SDK1: variants seen among roughly 807,000 people sequenced by gnomAD.
SDK1 encodes protein sidekick-1.
A neutral mutation model predicts 245.5 loss-of-function variants in SDK1; 157 were observed. That is an observed-to-expected ratio of 0.64 (90% CI 0.56 to 0.73). The LOEUF is 0.73. Ranked by LOEUF, SDK1 falls within the 30% of genes least tolerant of loss-of-function variation. The pLI is 0.00. For synonymous variants in SDK1, 1,647 were observed against 1,278.5 expected, an observed-to-expected ratio of 1.29 and a Z score of -6.15; for missense variants, 3,583 against 3,002.3, an observed-to-expected ratio of 1.19 and a Z score of -4.52.
chr7:3,355,113 C>T (rs1021809308), intron 1 of SDK1, among the ~76,000 whole-genome samples: 1 of 152,180 alleles, frequency 6.6e-6, no homozygotes, highest in Non-Finnish European at 1.5e-5. Flanking sequence ...ATTGACACAT[C>T]TTATTAAAAT....
intron 43 of SDK1, among the ~76,000 whole-genome samples, chr7:4,244,707 C>G (rs1334574209): frequency 6.6e-6 from 1 of 152,222 alleles, no homozygotes; most frequent in East Asian, 1.9e-4. Flanking sequence ...TGGGTGTAAT[C>G]CAGGTGTAGA....
intron 5 of SDK1, among the ~76,000 whole-genome samples, chr7:3,874,121 A>G (rs1383639762): frequency 2.6e-5 from 4 of 152,190 alleles, no homozygotes; most frequent in Admixed American, 2.0e-4. Context: ...TGGGCCATTA[A>G]TATGAAGGTT....
intron 1 of SDK1, among the ~76,000 whole-genome samples, chr7:3,374,638 A>G (rs1183464732): frequency 2.0e-5 from 3 of 152,050 alleles, no homozygotes; most frequent in Non-Finnish European, 2.9e-5. Flanking sequence ...TCCCCACCCC[A>G]GAACCTTTAC....
chr7:3,509,056 A>G (rs1312065309), intron 1 of SDK1, among the ~76,000 whole-genome samples: 5 of 150,950 alleles, frequency 3.3e-5, no homozygotes, highest in Non-Finnish European at 7.4e-5. Context: ...AGGGCAGCCT[A>G]AGGAAGGTGG....
At chr7:3,886,263 G>A (rs1211715054) in intron 5 of SDK1, among the ~76,000 whole-genome samples, 3 of 152,196 alleles carry the variant, frequency 2.0e-5, no homozygotes, top group Non-Finnish European at 4.4e-5. Flanking sequence ...TGGTCATTGT[G>A]GAAGAAAGCA....
At chr7:3,850,016 C>T (rs1780378828) in intron 5 of SDK1, among the ~76,000 whole-genome samples, 1 of 152,188 alleles carries the variant, frequency 6.6e-6, no homozygotes. Context: ...GGACTTAAGG[C>T]TCAGTAGAGT....
rs186901330 is a variant in SDK1 at position 4,191,955 on chromosome 7, C to T, written c.5098+13369C>T. The stretch of plus-strand genomic sequence containing the variant: ...TTGAAAGGGCTTTGACGGCAGTTTC[C>T]GACCCCACCCCCAGGCCTCTCTCAA... On this transcript the variant is annotated intron_variant, in intron 35 of 44. Transcript: ENST00000404826. Among the ~76,000 whole-genome samples, 1,501 of 152,334 alleles carry T rather than the reference C, an allele frequency of 9.9e-3. 24 individuals are homozygous for T. The highest frequency in any genetic ancestry group is 0.034 in the African/African-American group (1,420 of 41,572).
intron 1 of SDK1, among the ~76,000 whole-genome samples, chr7:3,523,540 T>G (rs1467243820): frequency 1.3e-5 from 2 of 152,134 alleles, no homozygotes; most frequent in Non-Finnish European, 2.9e-5. Flanking sequence ...TAGCTAAAGC[T>G]CCTAAGACTC....
intron 32 of SDK1, among the ~76,000 whole-genome samples, chr7:4,162,114 G>T (rs1781172868): frequency 1.3e-5 from 2 of 152,132 alleles, no homozygotes; most frequent in Non-Finnish European, 2.9e-5. Context: ...ATTCAGGAGG[G>T]ACCGGCAGGA....
At chr7:3,590,379 T>C (rs1261954454) in intron 1 of SDK1, among the ~76,000 whole-genome samples, 1 of 150,328 alleles carries the variant, frequency 6.7e-6, no homozygotes, top group East Asian at 2.0e-4. Context: ...AGACAAATTA[T>C]GGATAAATTG....
At chr7:4,060,052 T>C (rs1779436284) in intron 19 of SDK1, among the ~76,000 whole-genome samples, 1 of 151,994 alleles carries the variant, frequency 6.6e-6, no homozygotes, top group Non-Finnish European at 1.5e-5. Context: ...GCTAACTTTT[T>C]TGTATTTTTT....
chr7:3,774,037 A>AC lies in SDK1; in HGVS notation c.714-47410dup, dbSNP rs1284799492. Among the ~76,000 whole-genome samples, 31 of 152,022 alleles carry AC rather than the reference A, an allele frequency of 2.0e-4. 2 individuals are homozygous for AC. The highest frequency in any genetic ancestry group is 7.0e-4 in the African/African-American group (29 of 41,474). On this transcript the variant is annotated intron_variant, in intron 4 of 44. Transcript: ENST00000404826. ...AGATCATCCTGGCTAACATGGTGAA[A>AC]CCCTGTCTCTACTAAAAATACAAAA...
chr7:3,724,747 G>A (rs1313475278), intron 4 of SDK1, among the ~76,000 whole-genome samples: 1 of 152,190 alleles, frequency 6.6e-6, no homozygotes, highest in East Asian at 1.9e-4. Flanking sequence ...CAGCTCGCCT[G>A]CAGTCAGCTT....
intron 1 of SDK1, among the ~76,000 whole-genome samples, chr7:3,510,651 G>A (rs192023204): frequency 1.3e-5 from 2 of 152,124 alleles, no homozygotes; most frequent in East Asian, 1.9e-4. Flanking sequence ...AGGGAAGAAG[G>A]GGGGAGGCTT....
Position 3,488,120 on chromosome 7 carries a change from T to C in SDK1, c.299-130960T>C, listed in dbSNP as rs575458978. 2.6e-5 allele frequency among the ~76,000 whole-genome samples: 4 copies of C among 152,338 alleles called. No individual in the cohort carries two copies. In the South Asian group the frequency reaches 8.3e-4, roughly 32 times the overall value. ...TCTTGTGCAGATTCATCTCTTTACC[T>C]TTTATCTTTACTTTGCCATTGCTGT... On this transcript the variant is annotated intron_variant, in intron 1 of 44. Coordinates refer to ENST00000404826, the MANE Select transcript of SDK1 (RefSeq NM_152744.4).
At chr7:3,749,063 T>C (rs999044803) in intron 4 of SDK1, among the ~76,000 whole-genome samples, 3 of 152,360 alleles carry the variant, frequency 2.0e-5, no homozygotes, top group African/African-American at 7.2e-5. Context: ...ATATTCTCAC[T>C]ATTCTTTGCC....
intron 5 of SDK1, among the ~76,000 whole-genome samples, chr7:3,922,049 C>T (rs1779603300): frequency 6.6e-6 from 1 of 152,252 alleles, no homozygotes; most frequent in African/African-American, 2.4e-5. Context: ...CCATGCTCCT[C>T]TGTGCCTCTC....
intron 1 of SDK1, among the ~76,000 whole-genome samples, chr7:3,566,479 C>T (rs1158298640): frequency 1.3e-5 from 2 of 151,978 alleles, no homozygotes; most frequent in African/African-American, 4.8e-5. Flanking sequence ...CCTGCCTCGG[C>T]CTCCCAAAGT....
intron 25 of SDK1, among the ~76,000 whole-genome samples, chr7:4,123,345 A>G (rs1015492215): frequency 5.3e-5 from 8 of 152,058 alleles, no homozygotes; most frequent in Admixed American, 5.2e-4. Context: ...TTTTAATGTT[A>G]GTGCCCCCTT....
Sources: gnomAD v4.1 joint callset for allele counts (sites outside exome capture counted in the v4.1 genomes callset) on GRCh38, gnomAD v4.1.1 for gene constraint, MANE v1.5 for transcripts, NCBI Gene and HGNC (gene_info 2026-07-23, HGNC 2026-07-21) for gene names.